Variants in TMEM39A observed in about 807,000 individuals in gnomAD.
The protein encoded by TMEM39A is suppressor of SQST-1 aggregates in rpl-43 mutants.
Under a neutral mutation model 51.9 loss-of-function variants are expected in TMEM39A, and 19 were observed. The observed-to-expected ratio is 0.37, with a 90% CI of 0.26 to 0.54. The LOEUF (loss-of-function observed/expected upper bound fraction) is 0.54, where lower values mean the gene tolerates loss of function less well. Among genes scored for constraint, TMEM39A ranks in the 20% least tolerant of loss-of-function variants. TMEM39A has a pLI of 0.88. For synonymous variants in TMEM39A, 197 were observed against 220.2 expected (o/e 0.89, Z 0.93); for missense variants, 433 against 590.5 (o/e 0.73, Z 2.76).
At chr3:119,447,260 G>A in intron 4 of TMEM39A, 88 bp from the exon 5 acceptor site, 2 of 1,337,226 alleles carry the variant, frequency 1.5e-6, no homozygotes, top group Non-Finnish European at 1.0e-6. Flanking sequence ...AATAGGTTTA[G>A]TGGAAGCTAA....
intron 3 of TMEM39A, among the ~76,000 whole-genome samples, chr3:119,453,515 T>C (rs924978284): frequency 4.6e-5 from 7 of 152,218 alleles, no homozygotes; most frequent in African/African-American, 1.4e-4. Flanking sequence ...AAACTACTTT[T>C]AGCCAAGGGA....
In TMEM39A at chr3:119,429,895, A is replaced by C. The variant is rs1157258152; in HGVS notation, c.*2086T>G. ...ATCAAGCCAGAAGGGGCATCATATT[A>C]GTTCATAAGACTGGTCTGTTATCTC... is the stretch of plus-strand genomic sequence containing the variant. On this transcript the variant is annotated 3_prime_UTR_variant, in exon 9 of 9. Coordinates refer to ENST00000319172, the MANE Select transcript of TMEM39A (RefSeq NM_018266.3). The C allele has an allele frequency of 6.6e-6, 1 of 152,118 alleles. No individual in the cohort carries two copies. Among genetic ancestry groups the C allele is most frequent in the African/African-American group, 2.4e-5 (1 of 41,434 alleles). The allele number at this position is 152,118 out of a possible 1,614,324, so 9.4% of individuals were successfully genotyped here.
intron 4 of TMEM39A, among the ~76,000 whole-genome samples, chr3:119,452,064 T>C (rs1392663804): frequency 2.6e-5 from 4 of 152,208 alleles, no homozygotes; most frequent in African/African-American, 9.7e-5. Context: ...AAATGGTATA[T>C]ATAAACAGTA....
intron 7 of TMEM39A, 133 bp downstream of exon 7, chr3:119,436,658 A>G: frequency 3.2e-6 from 3 of 937,072 alleles, no homozygotes; most frequent in African/African-American, 1.6e-5. Flanking sequence ...TAGCATGATG[A>G]CAAGCATCCA....
At chr3:119,444,292 A>C (rs1244305585) in intron 5 of TMEM39A, among the ~76,000 whole-genome samples, 1 of 152,266 alleles carries the variant, frequency 6.6e-6, no homozygotes, top group African/African-American at 2.4e-5. Context: ...TGATTCAACC[A>C]GTAAGGAGAA....
Position 119,447,143 on chromosome 3 carries a change from A to G in TMEM39A, c.450T>C (p.Ile150=), listed in dbSNP as rs1391641886. ...GAGCTGATATCAGAACCATGTAGTG[A>G]ATCATTGATGCTGCACCTGCCTTAG... ...EATKAGAASM[I]HYMVLISARL... Residue 150 remains isoleucine, a synonymous_variant, in exon 5 of 9, where the codon ATT becomes ATC. Coordinates refer to ENST00000319172, the MANE Select transcript of TMEM39A (RefSeq NM_018266.3). 3 of 1,613,898 alleles carry G rather than the reference A, an allele frequency of 1.9e-6. No homozygotes were observed. The African/African-American group carries it at 4.0e-5, about 22-fold the overall frequency.
intron 5 of TMEM39A, among the ~76,000 whole-genome samples, chr3:119,439,928 C>T (rs13320585): frequency 3.0e-3 from 456 of 152,146 alleles, no homozygotes; most frequent in African/African-American, 0.01. Flanking sequence ...CCATTACACG[C>T]GGCTAATTAT....
rs1276747126 is a variant in TMEM39A at position 119,429,730 on chromosome 3, A to C, written c.*2251T>G. ...ACGGTCTTATGCCCCGTATGCTGCC[A>C]TATCTGGAGGTGAGGGTAGGAGGAA... On this transcript the variant is annotated 3_prime_UTR_variant, in exon 9 of 9. Coordinates refer to ENST00000319172, the MANE Select transcript of TMEM39A (RefSeq NM_018266.3). 1 of 152,144 alleles carries C rather than the reference A, an allele frequency of 6.6e-6. No homozygotes were observed. The highest frequency in any genetic ancestry group is 1.5e-5 in the Non-Finnish European group (1 of 67,988). 9.4% of individuals were successfully genotyped at this position (152,144 alleles called of 1,614,324 possible).
chr3:119,443,296 G>A (rs1462527426), intron 5 of TMEM39A, among the ~76,000 whole-genome samples: 4 of 152,314 alleles, frequency 2.6e-5, no homozygotes, highest in Non-Finnish European at 5.9e-5. Context: ...TGACTTCAAT[G>A]TTGAAAGAAG....
chr3:119,433,245 C>T (rs1246838499), intron 8 of TMEM39A, among the ~76,000 whole-genome samples: 1 of 152,124 alleles, frequency 6.6e-6, no homozygotes, highest in Non-Finnish European at 1.5e-5. Context: ...TGGAGTTTGA[C>T]AGCTATAGGT....
At chr3:119,433,185 A>C (rs142362246) in intron 8 of TMEM39A, among the ~76,000 whole-genome samples, 2 of 152,316 alleles carry the variant, frequency 1.3e-5, no homozygotes, top group East Asian at 3.9e-4. Context: ...CCAAATTATC[A>C]TGACAGCTTT....
chr3:119,429,026 G>T lies in TMEM39A; in HGVS notation c.*2955C>A, dbSNP rs1018905401. ...TGTTAATAGATCTGATATCTATTAC[G>T]TATCTCATACATATTTCTGTTAATG... On this transcript the variant is annotated 3_prime_UTR_variant, in exon 9 of 9. Coordinates refer to ENST00000319172, the MANE Select transcript of TMEM39A (RefSeq NM_018266.3). Among the ~76,000 whole-genome samples, 1 of 151,986 alleles carries T rather than the reference G, an allele frequency of 6.6e-6. No homozygotes were observed. The highest frequency in any genetic ancestry group is 2.4e-5 in the African/African-American group (1 of 41,406).
chr3:119,446,241 C>G (rs555227647), intron 5 of TMEM39A, among the ~76,000 whole-genome samples: 1 of 152,320 alleles, frequency 6.6e-6, no homozygotes, highest in African/African-American at 2.4e-5. Context: ...AAGCACTTTA[C>G]AGCTTTCCTT....
chr3:119,434,963 T>C (rs2080948986), intron 7 of TMEM39A, 81 bp from the exon 8 acceptor site: 5 of 1,530,442 alleles, frequency 3.3e-6, no homozygotes, highest in Admixed American at 3.8e-5. Flanking sequence ...TGTATTTTTA[T>C]GGAAGGAATT....
At chr3:119,436,748 C>T in intron 7 of TMEM39A, 43 bp downstream of exon 7, 1 of 1,538,620 alleles carries the variant, frequency 6.5e-7, no homozygotes, top group Non-Finnish European at 8.9e-7. Flanking sequence ...TGATCAGCAG[C>T]ATGTAGAAAG....
At chr3:119,462,936 C>T (rs562075183) in intron 1 of TMEM39A, among the ~76,000 whole-genome samples, 2 of 149,610 alleles carry the variant, frequency 1.3e-5, no homozygotes, top group Non-Finnish European at 3.0e-5. Context: ...CGGCAAAAAT[C>T]ATGATTCTGT....
Position 119,434,835 on chromosome 3 carries a change from C to T in TMEM39A, c.1160G>A (p.Ser387Asn). ...CCCCATGGCTCTATATAAACATCTG[C>T]TGTGCCGCACCAGCACCCCTTGAGG... ...IWPQGVLVRH[S>N]RCLYRAMGPY... Residue 387 changes from serine to asparagine, a missense_variant, in exon 8 of 9, where the codon AGC becomes AAC. Coordinates refer to ENST00000319172, the MANE Select transcript of TMEM39A (RefSeq NM_018266.3). The T allele has an allele frequency of 6.2e-7, 1 of 1,613,760 alleles. No homozygotes were observed. Among genetic ancestry groups the T allele is most frequent in the Middle Eastern group, 1.7e-4 (1 of 6,060 alleles).
At chr3:119,439,351 C>T (rs1246722472) in intron 5 of TMEM39A, among the ~76,000 whole-genome samples, 2 of 152,014 alleles carry the variant, frequency 1.3e-5, no homozygotes, top group African/African-American at 4.8e-5. Flanking sequence ...GAGGCCAAGG[C>T]GAGCAGGTCA....
chr3:119,436,687 A>C, intron 7 of TMEM39A, 104 bp downstream of exon 7: 2 of 1,284,892 alleles, frequency 1.6e-6, no homozygotes, highest in Non-Finnish European at 2.2e-6. Flanking sequence ...AAAAACTAAA[A>C]ATTAAATGTT....
Sources: gnomAD v4.1 joint callset for allele counts (sites outside exome capture counted in the v4.1 genomes callset) on GRCh38, gnomAD v4.1.1 for gene constraint, MANE v1.5 for transcripts, NCBI Gene and HGNC (gene_info 2026-07-23, HGNC 2026-07-21) for gene names.